ACACA: variants seen among roughly 807,000 people sequenced by gnomAD.
ACACA encodes acetyl-CoA carboxylase alpha.
Under a neutral mutation model 296.1 loss-of-function variants are expected in ACACA, and 103 were observed. That is an observed-to-expected ratio of 0.35 (90% CI 0.30 to 0.41). The LOEUF is 0.41. Ranked by LOEUF, ACACA falls within the 10% of genes least tolerant of loss-of-function variation. The probability of loss-of-function intolerance (pLI) is 1.00; values close to 1 mark genes in which losing one functional copy is unlikely to be tolerated. For missense variants in ACACA, 1,554 were observed against 2,989.7 expected (o/e 0.52, Z 11.20); for synonymous variants, 953 against 1,038.6 (o/e 0.92, Z 1.58).
At chr17:37,196,596 C>T (rs1786828586) in intron 35 of ACACA, among the ~76,000 whole-genome samples, 2 of 150,482 alleles carry the variant, frequency 1.3e-5, no homozygotes, top group African/African-American at 4.9e-5. Flanking sequence ...CTTAGCCAAA[C>T]TTTGCTGAAA....
Position 37,325,158 on chromosome 17 carries a change from G to A in ACACA, c.338+5015C>T, listed in dbSNP as rs1027323261. On this transcript the variant is annotated intron_variant, in intron 3 of 55. Coordinates refer to ENST00000616317, the MANE Select transcript of ACACA (RefSeq NM_198834.3). ...GGAGGTTGCAGTGAGCCAAGATGGC[G>A]CCACTGCACTCTAGCCTGGGGACAG... Among the ~76,000 whole-genome samples, 6 of 148,346 alleles carry A rather than the reference G, an allele frequency of 4.0e-5. No individual in the cohort carries two copies. The East Asian group carries it at 6.0e-4, about 15-fold the overall frequency.
chr17:37,397,952 T>C (rs970317968), intron 1 of ACACA, among the ~76,000 whole-genome samples: 3 of 151,978 alleles, frequency 2.0e-5, no homozygotes, highest in Admixed American at 2.0e-4. Context: ...AAATGGGGGC[T>C]GGGCGCGGTG....
Position 37,096,986 on chromosome 17 carries a change from T to C in ACACA, c.6891+10A>G, listed in dbSNP as rs774763999. 1 of 1,614,110 alleles carries C rather than the reference T, an allele frequency of 6.2e-7. No individual in the cohort carries two copies. The highest frequency in any genetic ancestry group is 8.5e-7 in the Non-Finnish European group (1 of 1,180,030). On this transcript the variant is annotated intron_variant, in intron 54 of 55. Coordinates refer to ENST00000616317, the MANE Select transcript of ACACA (RefSeq NM_198834.3). ...CAGCAAAAAGGCTTCTCTTTGAGTG[T>C]CCCACCTACCTTCACTGTTCCTTCC...
intron 3 of ACACA, among the ~76,000 whole-genome samples, chr17:37,325,749 T>G (rs1195532275): frequency 6.6e-6 from 1 of 151,920 alleles, no homozygotes; most frequent in Non-Finnish European, 1.5e-5. Flanking sequence ...TAATTTTGTA[T>G]TTTTAGTAGA....
intron 25 of ACACA, among the ~76,000 whole-genome samples, chr17:37,228,520 C>T (rs2079664701): frequency 6.6e-6 from 1 of 152,108 alleles, no homozygotes; most frequent in Non-Finnish European, 1.5e-5. Context: ...AAGTAAGTCT[C>T]ACCTTTTGCT....
At chr17:37,381,639 T>G (rs964544600) in intron 1 of ACACA, among the ~76,000 whole-genome samples, 2 of 149,246 alleles carry the variant, frequency 1.3e-5, no homozygotes, top group Non-Finnish European at 3.0e-5. Context: ...TTTTTTTTTT[T>G]TTTTTTGAGA....
intron 3 of ACACA, among the ~76,000 whole-genome samples, chr17:37,295,137 G>T (rs768561428): frequency 6.6e-6 from 1 of 152,148 alleles, no homozygotes; most frequent in Admixed American, 6.5e-5. Flanking sequence ...ATGCCAGCTC[G>T]CCCCAAGCTG....
intron 3 of ACACA, among the ~76,000 whole-genome samples, chr17:37,302,199 ACT>A (rs1301965589): frequency 1.4e-5 from 2 of 144,464 alleles, no homozygotes; most frequent in East Asian, 2.0e-4. Flanking sequence ...CTGGTCTGGA[ACT>A]CTTTTTTTTT....
In ACACA at chr17:37,097,869, G is replaced by A. The variant is rs773626536; in HGVS notation, c.6681C>T (p.His2227=). Residue 2227 remains histidine, a synonymous_variant, in exon 53 of 56, where the codon CAC becomes CAT. Coordinates refer to ENST00000616317, the MANE Select transcript of ACACA (RefSeq NM_198834.3). The surrounding 1 kb of genome is among the most constrained non-coding windows in gnomAD (Gnocchi z 4.8). The part of the protein sequence containing the change: ...HQVAVQFADL[H]DTPGRMQEKG... ...TCTCCTGCATCCGGCCTGGTGTGTC[G>A]TGCAAGTCAGCAAACTGCACGGCTA... The A allele has an allele frequency of 6.8e-6, 11 of 1,614,144 alleles. No individual in the cohort carries two copies. Among genetic ancestry groups the A allele is most frequent in the East Asian group, 2.2e-5 (1 of 44,876 alleles).
intron 51 of ACACA, 71 bp from the exon 52 acceptor site, chr17:37,111,714 G>T: frequency 2.6e-6 from 3 of 1,160,820 alleles, no homozygotes; most frequent in Non-Finnish European, 3.9e-6. Context: ...ACAGAATGAG[G>T]CCAGTTACAA....
At chr17:37,141,396 T>C (rs1181391345) in intron 45 of ACACA, 7 of 329,884 alleles carry the variant, frequency 2.1e-5, no homozygotes, top group Non-Finnish European at 4.1e-5. Flanking sequence ...GGTTCCACGG[T>C]TCCCCATCTC....
intron 2 of ACACA, among the ~76,000 whole-genome samples, chr17:37,338,917 G>A (rs1485294916): frequency 6.7e-6 from 1 of 149,596 alleles, no homozygotes; most frequent in Non-Finnish European, 1.5e-5. Flanking sequence ...TCTAGCCTGG[G>A]TGACAGAGAC....
intron 1 of ACACA, among the ~76,000 whole-genome samples, chr17:37,396,969 T>C (rs1597801565): frequency 1.3e-5 from 2 of 152,286 alleles, no homozygotes; most frequent in East Asian, 1.9e-4. Flanking sequence ...ACATGTGCCA[T>C]GTTGGTTTGC....
At chr17:37,116,218 G>A (rs1478990268) in intron 50 of ACACA, among the ~76,000 whole-genome samples, 2 of 152,162 alleles carry the variant, frequency 1.3e-5, no homozygotes, top group Admixed American at 6.5e-5. Context: ...GTCTCGCTGA[G>A]CTCAAGCCAT....
intron 45 of ACACA, among the ~76,000 whole-genome samples, chr17:37,135,942 C>A: frequency 6.9e-6 from 1 of 144,806 alleles, no homozygotes; most frequent in African/African-American, 2.6e-5. Context: ...GAGACAAGGT[C>A]TTGCACGTTG....
At chr17:37,321,568 A>T (rs983367039) in intron 3 of ACACA, among the ~76,000 whole-genome samples, 1 of 151,904 alleles carries the variant, frequency 6.6e-6, no homozygotes, top group Admixed American at 6.6e-5. Context: ...GCTAACACAG[A>T]GAAACCCCGT....
At position 37,097,719 on chromosome 17, in the gene ACACA, G is replaced by A; in HGVS notation, c.6720+111C>T. On this transcript the variant is annotated intron_variant, in intron 53 of 55. Coordinates refer to ENST00000616317, the MANE Select transcript of ACACA (RefSeq NM_198834.3). The surrounding 1 kb of genome is among the most constrained non-coding windows in gnomAD (Gnocchi z 4.8). Reference sequence around the variant, plus strand: ...ATTGAAAATGTTTTGATCTGCAGAAGTTGTTTTAATTTGGCCCTCATAGCT... The same window carrying A: ...ATTGAAAATGTTTTGATCTGCAGAAATTGTTTTAATTTGGCCCTCATAGCT... 1 of 1,288,280 alleles carries A rather than the reference G, an allele frequency of 7.8e-7. No individual in the cohort carries two copies. Among genetic ancestry groups the A allele is most frequent in the Admixed American group, 2.0e-5 (1 of 48,798 alleles). The allele number at this position is 1,288,280 out of a possible 1,614,324, so 79.8% of individuals were successfully genotyped here.
intron 54 of ACACA, among the ~76,000 whole-genome samples, chr17:37,094,001 T>C (rs1345908936): frequency 6.6e-6 from 1 of 152,234 alleles, no homozygotes; most frequent in East Asian, 1.9e-4. Flanking sequence ...ATTTCTACTA[T>C]TGGGGTCTGG....
intron 34 of ACACA, 67 bp from the exon 35 acceptor site, chr17:37,200,250 A>G: frequency 6.9e-7 from 1 of 1,446,158 alleles, no homozygotes; most frequent in Admixed American, 1.7e-5. Flanking sequence ...AAAATCAAAA[A>G]GAAATTGAGT....
Sources: allele counts gnomAD v4.1 joint callset (sites outside exome capture counted in the v4.1 genomes callset), GRCh38; gene constraint gnomAD v4.1.1; non-coding constraint Gnocchi (gnomAD v3.1); transcripts MANE v1.5; gene names NCBI Gene and HGNC (gene_info 2026-07-23, HGNC 2026-07-21).